Variants in CDH18 observed in about 807,000 individuals in gnomAD.
CDH18 encodes the protein cadherin 18, also known as cadherin-18.
A neutral mutation model predicts 67.9 loss-of-function variants in CDH18; 31 were observed. The ratio of observed to expected loss-of-function variants is 0.46; its 90% confidence interval spans 0.34 to 0.62. CDH18 has a LOEUF of 0.62. CDH18 is among the 20% of genes least tolerant of loss of function. The probability of loss-of-function intolerance (pLI) is 0.01; values close to 1 mark genes in which losing one functional copy is unlikely to be tolerated. For synonymous variants in CDH18, 362 were observed against 347.2 expected, an observed-to-expected ratio of 1.04 and a Z score of -0.48; for missense variants, 890 against 975.5, an observed-to-expected ratio of 0.91 and a Z score of 1.17.
At chr5:20,345,275 C>T (rs1007869303) in intron 1 of CDH18, among the ~76,000 whole-genome samples, 1 of 151,256 alleles carries the variant, frequency 6.6e-6, no homozygotes, top group Non-Finnish European at 1.5e-5. Context: ...TATTGGGGTA[C>T]TATTTTTTAT....
At chr5:19,893,666 G>C (rs1466485743) in intron 2 of CDH18, among the ~76,000 whole-genome samples, 1 of 152,074 alleles carries the variant, frequency 6.6e-6, no homozygotes, top group Non-Finnish European at 1.5e-5. Flanking sequence ...ACAACTGTAG[G>C]GGAACTTCAG....
intron 4 of CDH18, among the ~76,000 whole-genome samples, chr5:19,723,089 G>A (rs948176508): frequency 2.7e-5 from 4 of 150,836 alleles, no homozygotes; most frequent in African/African-American, 9.7e-5. Context: ...ATTTTTTTTT[G>A]GTAACCCTGT....
chr5:20,425,302 T>C (rs1748209702), intron 1 of CDH18, among the ~76,000 whole-genome samples: 1 of 150,138 alleles, frequency 6.7e-6, no homozygotes, highest in Non-Finnish European at 1.5e-5. Flanking sequence ...ACATGGGAGG[T>C]GGAGGTTGCA....
chr5:20,395,093 T>C (rs993025346), intron 1 of CDH18, among the ~76,000 whole-genome samples: 1 of 152,130 alleles, frequency 6.6e-6, no homozygotes, highest in Non-Finnish European at 1.5e-5. Context: ...TGACTGGGTA[T>C]CTACCCAAAG....
At chr5:20,479,975 G>T (rs527449559) in intron 1 of CDH18, among the ~76,000 whole-genome samples, 3 of 152,032 alleles carry the variant, frequency 2.0e-5, no homozygotes, top group African/African-American at 7.2e-5. Flanking sequence ...GGAGAGAGTG[G>T]CATGACATAT....
At chr5:20,249,310 T>C (rs1045898433) in intron 2 of CDH18, among the ~76,000 whole-genome samples, 1 of 152,040 alleles carries the variant, frequency 6.6e-6, no homozygotes, top group Non-Finnish European at 1.5e-5. Context: ...ATAAATAAAT[T>C]TTTTTATTTA....
intron 2 of CDH18, among the ~76,000 whole-genome samples, chr5:20,074,584 A>T (rs1743762656): frequency 6.6e-6 from 1 of 152,194 alleles, no homozygotes; most frequent in Non-Finnish European, 1.5e-5. Context: ...ATAAGTACCA[A>T]TGAACATGCA....
chr5:19,653,699 C>T (rs1755911047), intron 5 of CDH18, among the ~76,000 whole-genome samples: 9 of 152,192 alleles, frequency 5.9e-5, no homozygotes, highest in Admixed American at 5.9e-4. Flanking sequence ...ACACATACAT[C>T]TTGTTGCAAG....
intron 2 of CDH18, among the ~76,000 whole-genome samples, chr5:20,163,356 T>C (rs1736043912): frequency 6.6e-6 from 1 of 152,172 alleles, no homozygotes; most frequent in African/African-American, 2.4e-5. Flanking sequence ...TATCATTTCA[T>C]AGTTTATTCA....
At chr5:20,305,566 C>T in intron 1 of CDH18, 3 of 624,216 alleles carry the variant, frequency 4.8e-6, no homozygotes, top group Non-Finnish European at 8.6e-6. Context: ...TGAGGGCGCT[C>T]GGCCGCTTCC....
intron 8 of CDH18, among the ~76,000 whole-genome samples, chr5:19,566,328 A>G (rs1248162293): frequency 1.3e-5 from 2 of 152,242 alleles, no homozygotes; most frequent in Non-Finnish European, 2.9e-5. Context: ...GTTTCTTAAA[A>G]GCTAAACATA....
At chr5:20,414,038 A>C (rs1006550370) in intron 1 of CDH18, among the ~76,000 whole-genome samples, 4 of 152,156 alleles carry the variant, frequency 2.6e-5, no homozygotes, top group Admixed American at 1.3e-4. Context: ...AATTTCAAAA[A>C]ACAACATATG....
chr5:20,245,086 T>C (rs528369355), intron 2 of CDH18, among the ~76,000 whole-genome samples: 6 of 152,138 alleles, frequency 3.9e-5, no homozygotes, highest in Non-Finnish European at 8.8e-5. Flanking sequence ...AGTAGATATG[T>C]CCTCAGTTCT....
rs184450110 is a variant in CDH18 at position 19,532,505 on chromosome 5, G to A, written c.1390+11364C>T. ...TATTTGTATATGTGTGAGTGCCTGGGTTTGTATCTTGGTTCATTCATTATG... is the reference window on the plus strand; with the variant it reads ...TATTTGTATATGTGTGAGTGCCTGGATTTGTATCTTGGTTCATTCATTATG... On this transcript the variant is annotated intron_variant, in intron 9 of 12. Transcript: ENST00000382275. Among the ~76,000 whole-genome samples the A allele has an allele frequency of 3.8e-3, 571 of 152,130 alleles. 1 individual carries two copies. Among genetic ancestry groups the A allele is most frequent in the Middle Eastern group, 0.014 (4 of 294 alleles).
At chr5:20,270,215 T>C (rs1745336352) in intron 1 of CDH18, among the ~76,000 whole-genome samples, 1 of 151,982 alleles carries the variant, frequency 6.6e-6, no homozygotes, top group South Asian at 2.1e-4. Context: ...CTTGATAGGA[T>C]ATTGAGTAAT....
intron 2 of CDH18, among the ~76,000 whole-genome samples, chr5:20,198,855 C>T (rs752966530): frequency 6.6e-6 from 1 of 152,120 alleles, no homozygotes; most frequent in Admixed American, 6.5e-5. Flanking sequence ...CTAAAAGGGG[C>T]CAAGGTATAG....
intron 2 of CDH18, among the ~76,000 whole-genome samples, chr5:20,241,576 G>T (rs191153685): frequency 6.6e-6 from 1 of 152,092 alleles, no homozygotes; most frequent in African/African-American, 2.4e-5. Context: ...AATCGGCCGG[G>T]TGGGGTGGCT....
intron 2 of CDH18, among the ~76,000 whole-genome samples, chr5:20,163,645 T>C (rs1736061444): frequency 6.6e-6 from 1 of 152,208 alleles, no homozygotes; most frequent in African/African-American, 2.4e-5. Flanking sequence ...AATGTGCATT[T>C]AGGTAGAAAC....
At chr5:19,981,898 T>C (rs975446847) in intron 1 of CDH18, among the ~76,000 whole-genome samples, 2 of 152,188 alleles carry the variant, frequency 1.3e-5, no homozygotes, top group African/African-American at 4.8e-5. Flanking sequence ...TGACAATTTT[T>C]TTCTGCATCC....
Sources: allele counts gnomAD v4.1 joint callset (sites outside exome capture counted in the v4.1 genomes callset), GRCh38; gene constraint gnomAD v4.1.1; transcripts MANE v1.5; gene names NCBI Gene and HGNC (gene_info 2026-07-23, HGNC 2026-07-21).